Variants in NAV2 observed in about 807,000 individuals in gnomAD.
NAV2 encodes the protein neuron navigator 2.
Under a neutral mutation model 223.2 loss-of-function variants are expected in NAV2, and 54 were observed. That is an observed-to-expected ratio of 0.24 (90% CI 0.19 to 0.30). The LOEUF (loss-of-function observed/expected upper bound fraction) is 0.30. NAV2 is among the 10% of genes least tolerant of loss of function. NAV2 has a pLI of 1.00. For missense variants in NAV2, 2,806 were observed against 3,147.5 expected (o/e 0.89, Z 2.60); for synonymous variants, 1,279 against 1,239.3 (o/e 1.03, Z -0.67).
chr11:19,541,557 C>G (rs2044342952), intron 1 of NAV2, among the ~76,000 whole-genome samples: 1 of 152,230 alleles, frequency 6.6e-6, no homozygotes, highest in African/African-American at 2.4e-5. Flanking sequence ...GAGGCCAGGA[C>G]TCCTCCACTG....
intron 1 of NAV2, among the ~76,000 whole-genome samples, chr11:19,671,766 A>C (rs1429873873): frequency 6.6e-6 from 1 of 152,010 alleles, no homozygotes; most frequent in African/African-American, 2.4e-5. Flanking sequence ...AAATGTAAAA[A>C]CCATTCTTAG....
chr11:19,947,050 T>G (rs2046991541), intron 9 of NAV2, among the ~76,000 whole-genome samples: 1 of 152,234 alleles, frequency 6.6e-6, no homozygotes, highest in African/African-American at 2.4e-5. Flanking sequence ...TTGAAGAGGA[T>G]GCAACCCTGG....
At chr11:19,595,189 G>A (rs936170514) in intron 1 of NAV2, among the ~76,000 whole-genome samples, 22 of 152,222 alleles carry the variant, frequency 1.4e-4, no homozygotes, top group African/African-American at 5.3e-4. Context: ...GTCCTTATTG[G>A]TGGAGGGTCA....
intron 1 of NAV2, among the ~76,000 whole-genome samples, chr11:19,658,884 G>C (rs760748121): frequency 1.8e-4 from 28 of 152,218 alleles, no homozygotes; most frequent in Admixed American, 1.8e-3. Flanking sequence ...AGGGTGCTCA[G>C]CTGGAGGCAC....
chr11:19,583,426 T>C (rs2045786691), intron 1 of NAV2, among the ~76,000 whole-genome samples: 1 of 151,938 alleles, frequency 6.6e-6, no homozygotes, highest in South Asian at 2.1e-4. Context: ...TGAATAGGAG[T>C]GGTGAGAGAG....
At chr11:19,674,990 C>G (rs977191300) in intron 1 of NAV2, among the ~76,000 whole-genome samples, 2 of 152,166 alleles carry the variant, frequency 1.3e-5, no homozygotes, top group Admixed American at 1.3e-4. Flanking sequence ...AGTAAGGTGC[C>G]TAGCAGAGAT....
chr11:20,111,721 T>C (rs1351486257), intron 36 of NAV2, among the ~76,000 whole-genome samples: 1 of 152,214 alleles, frequency 6.6e-6, no homozygotes, highest in Non-Finnish European at 1.5e-5. Context: ...TTTATCGGAT[T>C]ATCCAGCCTG....
chr11:19,574,801 A>C (rs1302941302), intron 1 of NAV2, among the ~76,000 whole-genome samples: 1 of 152,226 alleles, frequency 6.6e-6, no homozygotes, highest in East Asian at 1.9e-4. Context: ...GTGGAACAGA[A>C]AGTGATGAGT....
upstream of NAV2, chr11:19,711,923 C>T (rs768012582): frequency 6.6e-6 from 1 of 152,242 alleles, no homozygotes; most frequent in Non-Finnish European, 1.5e-5. Flanking sequence ...AAATAACTTG[C>T]CCACTTCTAA....
intron 1 of NAV2, among the ~76,000 whole-genome samples, chr11:19,384,370 G>A (rs1365767354): frequency 6.6e-6 from 1 of 152,212 alleles, no homozygotes; most frequent in African/African-American, 2.4e-5. Context: ...GGCCTTGCCT[G>A]CATTAGCTGT....
chr11:19,583,287 T>C (rs974387047), intron 1 of NAV2, among the ~76,000 whole-genome samples: 6 of 152,222 alleles, frequency 3.9e-5, no homozygotes, highest in African/African-American at 1.4e-4. Flanking sequence ...GCTGAGACGA[T>C]GGGGTTTTCT....
chr11:19,652,522 A>G (rs1487200270), intron 1 of NAV2, among the ~76,000 whole-genome samples: 2 of 152,198 alleles, frequency 1.3e-5, no homozygotes, highest in Non-Finnish European at 2.9e-5. Flanking sequence ...ACAAAGAACT[A>G]TTGGTTTTCC....
chr11:20,019,308 T>C (rs1231537751), intron 11 of NAV2, among the ~76,000 whole-genome samples: 2 of 152,196 alleles, frequency 1.3e-5, no homozygotes, highest in African/African-American at 4.8e-5. Flanking sequence ...GCCTTCTTAA[T>C]GGATTACATC....
chr11:19,645,943 C>T (rs577225346), intron 1 of NAV2, among the ~76,000 whole-genome samples: 2 of 152,190 alleles, frequency 1.3e-5, no homozygotes, highest in African/African-American at 4.8e-5. Flanking sequence ...AAAACCAAGT[C>T]TAACTCCAAA....
intron 3 of NAV2, among the ~76,000 whole-genome samples, chr11:19,864,542 TC>T (rs2061977788): frequency 6.6e-6 from 1 of 152,228 alleles, no homozygotes; most frequent in African/African-American, 2.4e-5. Context: ...TGATTCTCTT[TC>T]CAGTTGTTTG....
intron 1 of NAV2, among the ~76,000 whole-genome samples, chr11:19,662,735 C>T (rs1181884943): frequency 6.6e-6 from 1 of 152,208 alleles, no homozygotes; most frequent in Non-Finnish European, 1.5e-5. Context: ...TATAGGCTTC[C>T]TATAGTAGCA....
chr11:19,748,559 C>T (rs1460594638), intron 1 of NAV2, among the ~76,000 whole-genome samples: 1 of 152,216 alleles, frequency 6.6e-6, no homozygotes, highest in Admixed American at 6.5e-5. Flanking sequence ...CCAGGCTTGT[C>T]TTGTTCTCCA....
intron 1 of NAV2, among the ~76,000 whole-genome samples, chr11:19,610,020 C>T (rs1334546598): frequency 3.9e-5 from 6 of 152,204 alleles, no homozygotes; most frequent in Non-Finnish European, 8.8e-5. Context: ...AAGCTAGGGG[C>T]TCTCCATCAG....
intron 1 of NAV2, among the ~76,000 whole-genome samples, chr11:19,693,603 T>A (rs1186144846): frequency 6.6e-6 from 1 of 152,216 alleles, no homozygotes; most frequent in African/African-American, 2.4e-5. Context: ...ATCTGGTCCT[T>A]TTCCACTTGA....
Sources: gnomAD v4.1 joint callset for allele counts (sites outside exome capture counted in the v4.1 genomes callset) on GRCh38, gnomAD v4.1.1 for gene constraint, MANE v1.5 for transcripts, NCBI Gene and HGNC (gene_info 2026-07-23, HGNC 2026-07-21) for gene names.